AR: variants seen among roughly 807,000 people sequenced by gnomAD.
AR encodes dihydrotestosterone receptor.
Under a neutral mutation model 53.9 loss-of-function variants are expected in AR, and 8 were observed. The observed-to-expected ratio is 0.15, with a 90% CI of 0.09 to 0.27. AR has a LOEUF of 0.27. AR is among the 10% of genes least tolerant of loss of function. The pLI is 1.00. For missense variants in AR, 639 were observed against 742.5 expected (o/e 0.86, Z 1.62); for synonymous variants, 359 against 316.4 (o/e 1.13, Z -1.43).
At chrX:67,721,650 G>GA (rs766278660) in intron 5 of AR, among the ~76,000 whole-genome samples, 183 bp from the exon 6 acceptor site, 3 of 110,771 alleles carry the variant, frequency 2.7e-5, no homozygotes, top group East Asian at 2.9e-4. Flanking sequence ...AACAGAGAGA[G>GA]AAAAAAAACA....
chrX:67,670,443 G>T (rs983345402), intron 2 of AR, among the ~76,000 whole-genome samples: 2 of 103,411 alleles, frequency 1.9e-5, no homozygotes, highest in Non-Finnish European at 3.9e-5. Flanking sequence ...AAAGAAACAC[G>T]CTGCCTGAAA....
intron 1 of AR, among the ~76,000 whole-genome samples, chrX:67,591,449 C>T (rs1156430315): frequency 9.0e-6 from 1 of 111,581 alleles, no homozygotes; most frequent in African/African-American, 3.3e-5. Flanking sequence ...AAATAAAGTA[C>T]TCCTTTCAAC....
At chrX:67,695,376 C>T in intron 3 of AR, 1 of 753,710 alleles carries the variant, frequency 1.3e-6, no homozygotes, top group Non-Finnish European at 1.6e-6. Flanking sequence ...GGAGAAGAAG[C>T]CAGCCAACCC....
intron 2 of AR, among the ~76,000 whole-genome samples, chrX:67,675,879 C>T (rs758171143): frequency 9.0e-6 from 1 of 111,343 alleles, no homozygotes; most frequent in Non-Finnish European, 1.9e-5. Context: ...CTTGCTCCAC[C>T]TCTACCCTAG....
At chrX:67,680,454 G>C (rs1454168023) in intron 2 of AR, among the ~76,000 whole-genome samples, 1 of 112,006 alleles carries the variant, frequency 8.9e-6, no homozygotes, top group African/African-American at 3.2e-5. Flanking sequence ...TGAAATCCTT[G>C]AAATATTGCT....
At chrX:67,575,942 G>C (rs934331650) in intron 1 of AR, among the ~76,000 whole-genome samples, 2 of 111,133 alleles carry the variant, frequency 1.8e-5, no homozygotes, top group Non-Finnish European at 3.8e-5. Flanking sequence ...ACATGAAAAA[G>C]ACAAATGAGG....
intron 2 of AR, among the ~76,000 whole-genome samples, chrX:67,674,257 T>C: frequency 9.1e-6 from 1 of 109,834 alleles, no homozygotes; most frequent in East Asian, 2.9e-4. Flanking sequence ...ACATTTGTAG[T>C]CAACACCATT....
chrX:67,702,365 G>C (rs781163752), intron 3 of AR, among the ~76,000 whole-genome samples: 70 of 111,415 alleles, frequency 6.3e-4, no homozygotes, highest in Admixed American at 1.2e-3. Flanking sequence ...TAGGCCACCA[G>C]TCTGTGGAGC....
At chrX:67,712,365 T>A (rs950364697) in intron 4 of AR, among the ~76,000 whole-genome samples, 2 of 112,488 alleles carry the variant, frequency 1.8e-5, no homozygotes. Flanking sequence ...TAGGTAATAG[T>A]GAAAGAATTA....
rs146690788 is a variant in AR at position 67,622,708 on chromosome X, A to C, written c.1617-20548A>C. On this transcript the variant is annotated intron_variant, in intron 1 of 7. Coordinates refer to ENST00000374690, the MANE Select transcript of AR (RefSeq NM_000044.6). ...TCTTTAAGTAGATTTCAAAGTAAAT[A>C]TTTGATGAATATGTAAAATATTTAG... is the stretch of plus-strand genomic sequence containing the variant. 6.6e-3 allele frequency among the ~76,000 whole-genome samples: 734 copies of C among 111,919 alleles called. 17 individuals carry two copies. The highest frequency in any genetic ancestry group is 0.014 in the Middle Eastern group (3 of 216).
rs758241517 is a variant in AR at position 67,663,076 on chromosome X, C to G, written c.1768+19669C>G. Among the ~76,000 whole-genome samples the G allele has an allele frequency of 1.6e-3, 178 of 111,661 alleles. 2 individuals are homozygous for G. The highest frequency in any genetic ancestry group is 5.7e-3 in the African/African-American group (174 of 30,695). On this transcript the variant is annotated intron_variant, in intron 2 of 7. Coordinates refer to ENST00000374690, the MANE Select transcript of AR (RefSeq NM_000044.6). ...ACACTGATGGGTCTTGTCTCTTTAT[C>G]CAATTTGCCAGTCTGTGTCTTTTAA...
chrX:67,676,708 C>A (rs1309527932), intron 2 of AR, among the ~76,000 whole-genome samples: 1 of 111,752 alleles, frequency 8.9e-6, no homozygotes, highest in Non-Finnish European at 1.9e-5. Flanking sequence ...GGTAACAGGG[C>A]AGTTTCCAAA....
intron 2 of AR, among the ~76,000 whole-genome samples, chrX:67,672,775 T>C (rs2075873959): frequency 9.0e-6 from 1 of 111,645 alleles, no homozygotes; most frequent in South Asian, 3.7e-4. Flanking sequence ...ACTCAAGATA[T>C]GAGTAGTTCA....
chrX:67,645,440 AG>A (rs1373363637), intron 2 of AR, among the ~76,000 whole-genome samples: 3 of 110,731 alleles, frequency 2.7e-5, no homozygotes, highest in Admixed American at 9.7e-5. Context: ...ATTTGAGAAC[AG>A]GGAAGAAAAG....
At chrX:67,603,063 C>T (rs1463537408) in intron 1 of AR, among the ~76,000 whole-genome samples, 1 of 111,229 alleles carries the variant, frequency 9.0e-6, no homozygotes, top group Admixed American at 9.6e-5. Flanking sequence ...TACTGATTCT[C>T]CCAGGCCTAT....
chrX:67,653,193 G>T (rs1926428536), intron 2 of AR, among the ~76,000 whole-genome samples: 1 of 112,061 alleles, frequency 8.9e-6, no homozygotes, highest in South Asian at 3.7e-4. Flanking sequence ...TGCATTAGAT[G>T]CTTTGTAGTC....
chrX:67,711,555 C>G lies in AR; in HGVS notation c.2039C>G (p.Ala680Gly), dbSNP rs752745942. Residue 680 changes from alanine to glycine, a missense_variant, in exon 4 of 8, where the codon GCC (alanine) becomes GGC (glycine). Physicochemically the swap from Ala to Gly is moderately conservative, Grantham distance 60. Coordinates refer to ENST00000374690, the MANE Select transcript of AR (RefSeq NM_000044.6). ...CQPIFLNVLE[A>G]IEPGVVCAGH... ...CCCATCTTTCTGAATGTCCTGGAAG[C>G]CATTGAGCCAGGTGTAGTGTGTGCT... 7.4e-6 allele frequency: 9 copies of G among 1,211,533 alleles called. No homozygotes were observed. The highest frequency in any genetic ancestry group is 1.0e-5 in the Non-Finnish European group (9 of 895,496).
chrX:67,683,710 A>T (rs1447605927), intron 2 of AR, among the ~76,000 whole-genome samples: 2 of 112,281 alleles, frequency 1.8e-5, no homozygotes, highest in African/African-American at 6.5e-5. Flanking sequence ...GATTATCAGT[A>T]AATGTTAAAT....
At chrX:67,703,108 G>A (rs1455460555) in intron 3 of AR, among the ~76,000 whole-genome samples, 1 of 111,682 alleles carries the variant, frequency 9.0e-6, no homozygotes, top group Non-Finnish European at 1.9e-5. Flanking sequence ...AAAAAAGTCA[G>A]TTCCAGGTTG....
Sources: allele counts gnomAD v4.1 joint callset (sites outside exome capture counted in the v4.1 genomes callset), GRCh38; gene constraint gnomAD v4.1.1; transcripts MANE v1.5; gene names NCBI Gene and HGNC (gene_info 2026-07-23, HGNC 2026-07-21).